The following TFDP1 variants were observed in gnomAD, a reference collection of about 807,000 sequenced individuals.
TFDP1 encodes the protein transcription factor Dp-1.
TFDP1 carries 6 observed loss-of-function variants against 48.0 expected under a neutral mutation model. The ratio of observed to expected loss-of-function variants is 0.13; its 90% confidence interval spans 0.07 to 0.25. The LOEUF (loss-of-function observed/expected upper bound fraction) is 0.25, where lower values mean the gene tolerates loss of function less well. Ranked by LOEUF, TFDP1 falls within the 10% of genes least tolerant of loss-of-function variation. TFDP1 has a pLI of 1.00. For missense variants in TFDP1, 335 were observed against 543.0 expected (o/e 0.62, Z 3.81); for synonymous variants, 201 against 211.6 (o/e 0.95, Z 0.44).
At chr13:113,630,947 G>A (rs936263652) in intron 4 of TFDP1, among the ~76,000 whole-genome samples, 3 of 152,194 alleles carry the variant, frequency 2.0e-5, no homozygotes, top group African/African-American at 7.2e-5. Context: ...CCCCAGGGGC[G>A]TGTGGAGCCC....
At chr13:113,606,666 G>A (rs937751180) in intron 2 of TFDP1, among the ~76,000 whole-genome samples, 4 of 152,170 alleles carry the variant, frequency 2.6e-5, no homozygotes, top group Admixed American at 2.0e-4. Flanking sequence ...TCCAGTGCTG[G>A]TTTATAGAAC....
At chr13:113,586,815 A>G (rs115164244) in intron 2 of TFDP1, among the ~76,000 whole-genome samples, 304 of 152,274 alleles carry the variant, frequency 2.0e-3, no homozygotes, top group African/African-American at 7.2e-3. Flanking sequence ...CCCTTTAGAG[A>G]GGGTGTGTGA....
intron 2 of TFDP1, among the ~76,000 whole-genome samples, chr13:113,602,386 A>G (rs1014381921): frequency 4.6e-5 from 7 of 152,124 alleles, no homozygotes; most frequent in African/African-American, 1.4e-4. Flanking sequence ...GAGTCAAAGG[A>G]GGAGCGGAGA....
rs1300479524 is a variant in TFDP1 at position 113,627,588 on chromosome 13, C to T, written c.187-4035C>T. Among the ~76,000 whole-genome samples, 5 of 152,186 alleles carry T rather than the reference C, an allele frequency of 3.3e-5. No individual in the cohort carries two copies. The highest frequency in any genetic ancestry group is 1.9e-4 in the East Asian group (1 of 5,176). ...TTTTAGAGTGTGTGAAATTAAGGTGCAAAAAGTGTGCACTTAGGGCAGAAG... is the reference window on the plus strand; with the variant it reads ...TTTTAGAGTGTGTGAAATTAAGGTGTAAAAAGTGTGCACTTAGGGCAGAAG... On this transcript the variant is annotated intron_variant, in intron 4 of 11. Transcript: ENST00000375370. The surrounding 1 kb of genome is among the most constrained non-coding windows in gnomAD (Gnocchi z 4.1).
At position 113,637,874 on chromosome 13, in the gene TFDP1, A is replaced by G. The variant is rs750167630; in HGVS notation, c.1063A>G (p.Asn355Asp). The stretch of plus-strand genomic sequence containing the variant: ...CATCACGACGGCAGGTTCCACGTCT[A>G]ACGGCACAAGGTTCTCTGCCAGGTG... Reference protein sequence around the residue: ...VFITTAGSTSNGTRFSASDLT... With the variant: ...VFITTAGSTSDGTRFSASDLT... The change falls in exon 11 of 12, where the codon AAC (asparagine) becomes GAC (aspartate). Residue 355 changes from asparagine to aspartate, a missense_variant. By Grantham distance (23) the Asn-to-Asp change is conservative (BLOSUM62 1). Transcript: ENST00000375370. The G allele has an allele frequency of 1.2e-6, 2 of 1,613,896 alleles. No homozygotes were observed. Among genetic ancestry groups the G allele is most frequent in the Non-Finnish European group, 1.7e-6 (2 of 1,180,030 alleles).
chr13:113,634,682 G>C lies in TFDP1; in HGVS notation c.687+80G>C, dbSNP rs1442648015. ...TTTATAACGGCAACATACTGCCTTG[G>C]GTTACACTCCTGCATGGCAAATCAA... On this transcript the variant is annotated intron_variant, in intron 8 of 11. Coordinates refer to ENST00000375370, the MANE Select transcript of TFDP1 (RefSeq NM_007111.5). 1.2e-5 allele frequency: 13 copies of C among 1,054,378 alleles called. No individual in the cohort carries two copies. In the South Asian group the frequency reaches 1.9e-4, roughly 15 times the overall value. 65.3% of individuals were successfully genotyped at this position (1,054,378 alleles called of 1,614,324 possible).
intron 4 of TFDP1, among the ~76,000 whole-genome samples, chr13:113,628,788 G>A (rs2049257990): frequency 6.6e-6 from 1 of 152,214 alleles, no homozygotes; most frequent in Admixed American, 6.5e-5. Flanking sequence ...CTTGGTTCCT[G>A]TTTTCCCTGC....
At chr13:113,594,079 C>T (rs376559228) in intron 2 of TFDP1, among the ~76,000 whole-genome samples, 16 of 134,738 alleles carry the variant, frequency 1.2e-4, no homozygotes, top group East Asian at 9.7e-4. Flanking sequence ...GGTCCTCAGC[C>T]GTGCCCAGGT....
At chr13:113,585,589 C>A (rs2047982085) in intron 1 of TFDP1, 185 bp from the exon 2 acceptor site, 1 of 409,542 alleles carries the variant, frequency 2.4e-6, no homozygotes. Flanking sequence ...GGGGGCATTT[C>A]CGTCTGGCGA....
intron 4 of TFDP1, among the ~76,000 whole-genome samples, chr13:113,625,595 C>T (rs796645424): frequency 4.2e-5 from 3 of 71,816 alleles, no homozygotes; most frequent in African/African-American, 6.8e-5. Context: ...TCAGGTGTCT[C>T]TCACGTGTCT....
At chr13:113,591,653 A>G (rs2048149952) in intron 2 of TFDP1, among the ~76,000 whole-genome samples, 1 of 152,204 alleles carries the variant, frequency 6.6e-6, no homozygotes, top group Non-Finnish European at 1.5e-5. Context: ...CAATTAGAAA[A>G]TCCAGATTTG....
chr13:113,619,623 G>A (rs1395336352), intron 3 of TFDP1, among the ~76,000 whole-genome samples: 1 of 152,122 alleles, frequency 6.6e-6, no homozygotes, highest in Non-Finnish European at 1.5e-5. Flanking sequence ...CTGTGGTCGG[G>A]TGGCTGTGCA....
chr13:113,617,772 C>T (rs1007755017), intron 3 of TFDP1, among the ~76,000 whole-genome samples: 1 of 152,236 alleles, frequency 6.6e-6, no homozygotes, highest in Non-Finnish European at 1.5e-5. Context: ...AACTCTTAGA[C>T]ATCTGGCTCT....
At chr13:113,591,669 G>A (rs1390371584) in intron 2 of TFDP1, among the ~76,000 whole-genome samples, 1 of 152,220 alleles carries the variant, frequency 6.6e-6, no homozygotes, top group Admixed American at 6.5e-5. Context: ...ATTTGCAGTT[G>A]ATATTTAGCT....
intron 2 of TFDP1, among the ~76,000 whole-genome samples, chr13:113,599,079 G>A (rs1394026064): frequency 6.6e-6 from 1 of 152,056 alleles, no homozygotes; most frequent in African/African-American, 2.4e-5. Flanking sequence ...AGATGTGTGT[G>A]TTTAAATACA....
intron 11 of TFDP1, 48 bp downstream of exon 11, chr13:113,637,944 G>A (rs761581998): frequency 1.1e-5 from 17 of 1,595,824 alleles, no homozygotes; most frequent in Non-Finnish European, 1.3e-5. Context: ...GGCCTCCCCC[G>A]GGGTCCAGGG....
intron 7 of TFDP1, 40 bp from the exon 8 acceptor site, chr13:113,634,494 A>G (rs886534093): frequency 1.3e-6 from 2 of 1,557,122 alleles, no homozygotes; most frequent in South Asian, 1.1e-5. Flanking sequence ...TCTGTGGAAC[A>G]GTTGTGATGA....
At chr13:113,626,018 TGTCCTCAGGTGTCTCTCAC>T (rs2049165132) in intron 4 of TFDP1, among the ~76,000 whole-genome samples, 1 of 107,090 alleles carries the variant, frequency 9.3e-6, no homozygotes, top group African/African-American at 4.0e-5. Flanking sequence ...GTCTCTCACG[TGTCCTCAGGTGTCTCTCAC>T]GCGTCCTCAG....
chr13:113,637,794 C>T (rs780235153), intron 10 of TFDP1, 24 bp from the exon 11 acceptor site: 13 of 1,614,104 alleles, frequency 8.1e-6, no homozygotes, highest in African/African-American at 2.7e-5. Context: ...CATGACCATT[C>T]GCTTATTTTC....
Sources: allele counts gnomAD v4.1 joint callset (sites outside exome capture counted in the v4.1 genomes callset), GRCh38; gene constraint gnomAD v4.1.1; non-coding constraint Gnocchi (gnomAD v3.1); transcripts MANE v1.5; gene names NCBI Gene and HGNC (gene_info 2026-07-23, HGNC 2026-07-21).